Variants in SLC38A8 observed in about 807,000 individuals in gnomAD.
SLC38A8 encodes amino acid transporter SLC38A8.
In SLC38A8, 65 loss-of-function variants were observed where a neutral mutation model predicts 46.0. The observed-to-expected ratio is 1.41, with a 90% CI of 1.16 to 1.74. The LOEUF is 1.74. Among genes scored for constraint, SLC38A8 ranks in the 40% most tolerant of loss-of-function variants. The pLI, the probability that SLC38A8 is intolerant of heterozygous loss-of-function variation, is 0.00. For missense variants in SLC38A8, 998 were observed against 567.9 expected (o/e 1.76, Z -7.70); for synonymous variants, 447 against 243.7 (o/e 1.83, Z -7.77).
chr16:84,019,776 A>C (rs1387014631), intron 7 of SLC38A8, among the ~76,000 whole-genome samples: 1 of 152,250 alleles, frequency 6.6e-6, no homozygotes, highest in East Asian at 1.9e-4. Flanking sequence ...AGGCAAAAGA[A>C]ACATTCTCAT....
chr16:84,011,067 A>AG (rs2151110439), intron 10 of SLC38A8, among the ~76,000 whole-genome samples: 1 of 152,314 alleles, frequency 6.6e-6, no homozygotes, highest in South Asian at 2.1e-4. Flanking sequence ...AAAGACCAGA[A>AG]GGCCGGGTTG....
In SLC38A8 at chr16:84,009,793, C is replaced by G. The variant is rs1406109280; in HGVS notation, c.1299G>C (p.Glu433Asp). 2 of 1,613,928 alleles carry G rather than the reference C, an allele frequency of 1.2e-6. No homozygotes were observed. Among genetic ancestry groups the G allele is most frequent in the Non-Finnish European group, 1.7e-6 (2 of 1,179,886 alleles). The change falls in exon 11 of 11, where the codon GAG becomes GAC. Residue 433 changes from glutamate (E) to aspartate (D), a missense_variant. Coordinates refer to ENST00000299709, the MANE Select transcript of SLC38A8 (RefSeq NM_001080442.3). ...CGGCACTAGCTGCCCATCAGAACAT[C>G]TCCCAGACCGCTGCCGCCGTGCTCT... ...FGQSTAAAVW[E>D]MF
intron 6 of SLC38A8, among the ~76,000 whole-genome samples, chr16:84,023,983 C>G (rs2085128097): frequency 6.6e-6 from 1 of 152,200 alleles, no homozygotes; most frequent in Non-Finnish European, 1.5e-5. Flanking sequence ...ACCAGGGTTT[C>G]TCAGCCTTGA....
chr16:84,011,847 G>A (rs761496769), intron 10 of SLC38A8, among the ~76,000 whole-genome samples: 3 of 152,280 alleles, frequency 2.0e-5, no homozygotes, highest in Middle Eastern at 3.4e-3. Context: ...TTACGCCACT[G>A]CACTCCAGCC....
intron 10 of SLC38A8, among the ~76,000 whole-genome samples, chr16:84,010,273 G>C (rs555946872): frequency 6.6e-6 from 1 of 152,048 alleles, no homozygotes; most frequent in African/African-American, 2.4e-5. Flanking sequence ...GTTTCATCAT[G>C]TTTGCTAGGC....
At chr16:84,036,050 T>C (rs917180389) in intron 3 of SLC38A8, among the ~76,000 whole-genome samples, 2 of 152,144 alleles carry the variant, frequency 1.3e-5, no homozygotes, top group Admixed American at 1.3e-4. Context: ...ACAGAGCCAG[T>C]CTCACTGGAT....
chr16:84,043,001 C>T (rs2085384400), upstream of SLC38A8, among the ~76,000 whole-genome samples: 1 of 152,176 alleles, frequency 6.6e-6, no homozygotes, highest in Admixed American at 6.5e-5. Context: ...CATACCTCTC[C>T]AAGGTCCCCA....
intron 5 of SLC38A8, among the ~76,000 whole-genome samples, 169 bp downstream of exon 5, chr16:84,031,698 G>C (rs981955061): frequency 9.9e-6 from 1 of 100,776 alleles, no homozygotes; most frequent in East Asian, 3.5e-4. Flanking sequence ...GCAGCAGAAG[G>C]AGAGTGGCCC....
chr16:84,039,742 TCA>T (rs2085346122), intron 2 of SLC38A8, among the ~76,000 whole-genome samples: 1 of 27,534 alleles, frequency 3.6e-5, no homozygotes, highest in Non-Finnish European at 6.1e-5. Context: ...AGTGAGACCT[TCA>T]AAAAAAAAAA....
chr16:84,041,929 C>G, intron 2 of SLC38A8, 40 bp downstream of exon 2: 1 of 1,527,480 alleles, frequency 6.5e-7, no homozygotes, highest in Non-Finnish European at 8.8e-7. Context: ...GCCAAAGCCA[C>G]CTCGTACCCG....
intron 7 of SLC38A8, among the ~76,000 whole-genome samples, chr16:84,018,092 C>T (rs1018395321): frequency 6.6e-6 from 1 of 152,150 alleles, no homozygotes; most frequent in Non-Finnish European, 1.5e-5. Context: ...TTACTTCCTA[C>T]AGTTATGAAG....
chr16:84,033,258 A>T, intron 4 of SLC38A8, 70 bp downstream of exon 4: 1 of 1,603,964 alleles, frequency 6.2e-7, no homozygotes, highest in Non-Finnish European at 8.5e-7. Context: ...CTGACCCCAG[A>T]TGGACAGAAA....
intron 10 of SLC38A8, 115 bp downstream of exon 10, chr16:84,012,886 G>T: frequency 8.5e-7 from 1 of 1,172,570 alleles, no homozygotes; most frequent in Non-Finnish European, 1.2e-6. Context: ...TGGCTCGCAG[G>T]TTTCTCACCT....
chr16:84,014,542 C>G (rs923345997), intron 9 of SLC38A8, among the ~76,000 whole-genome samples: 7 of 151,864 alleles, frequency 4.6e-5, no homozygotes, highest in Admixed American at 1.3e-4. Context: ...ATGGCCACAC[C>G]CCTCTCCTCT....
chr16:84,030,553 T>C (rs566732396), intron 5 of SLC38A8, among the ~76,000 whole-genome samples: 117 of 152,170 alleles, frequency 7.7e-4, no homozygotes, highest in African/African-American at 2.7e-3. Context: ...AGGTCGGCTC[T>C]ACCTTGACTG....
In SLC38A8 at chr16:84,031,972, A is replaced by C. The variant is rs761231119; in HGVS notation, c.531-4T>G. The C allele has an allele frequency of 6.2e-7, 1 of 1,613,886 alleles. No individual in the cohort carries two copies. Among genetic ancestry groups the C allele is most frequent in the South Asian group, 1.1e-5 (1 of 91,076 alleles). On this transcript the variant is annotated splice_region_variant and splice_polypyrimidine_tract_variant and intron_variant, in intron 4 of 10. Coordinates refer to ENST00000299709, the MANE Select transcript of SLC38A8 (RefSeq NM_001080442.3). ...GGCAGCCAGAGTGCCTAGGATGCTA[A>C]CACAGTGACCGTGTGAGGGGCTGCG...
intron 7 of SLC38A8, among the ~76,000 whole-genome samples, chr16:84,019,284 C>G (rs2085069051): frequency 6.6e-6 from 1 of 152,074 alleles, no homozygotes. Flanking sequence ...CTGTGTTAGC[C>G]AGGATGCTCT....
intron 6 of SLC38A8, among the ~76,000 whole-genome samples, chr16:84,028,935 C>G (rs1457170449): frequency 6.6e-6 from 1 of 152,164 alleles, no homozygotes; most frequent in Admixed American, 6.5e-5. Context: ...GGATTCTACA[C>G]ATATAGCCCC....
intron 10 of SLC38A8, among the ~76,000 whole-genome samples, chr16:84,011,264 A>C (rs1025397606): frequency 1.4e-4 from 22 of 152,226 alleles, no homozygotes; most frequent in African/African-American, 5.1e-4. Flanking sequence ...AAAGCTCATC[A>C]GTAAAAACTG....
Sources: gnomAD v4.1 joint callset for allele counts (sites outside exome capture counted in the v4.1 genomes callset) on GRCh38, gnomAD v4.1.1 for gene constraint, MANE v1.5 for transcripts, NCBI Gene and HGNC (gene_info 2026-07-23, HGNC 2026-07-21) for gene names.